NCK1: variants seen among roughly 807,000 people sequenced by gnomAD.
NCK1 encodes the protein NCK adaptor protein 1, also known as SH2/SH3 adapter protein NCK1.
NCK1 carries 19 observed loss-of-function variants against 36.6 expected under a neutral mutation model. The ratio of observed to expected loss-of-function variants is 0.52; its 90% CI spans 0.36 to 0.76. NCK1 has a LOEUF of 0.76. NCK1 is among the 30% of genes least tolerant of loss of function. NCK1 has a pLI of 0.00. For synonymous variants in NCK1, 165 were observed against 156.0 expected, an observed-to-expected ratio of 1.06 and a Z score of -0.43; for missense variants, 358 against 445.6, an observed-to-expected ratio of 0.80 and a Z score of 1.77.
intron 1 of NCK1, among the ~76,000 whole-genome samples, chr3:136,862,910 T>G (rs1045357535): frequency 7.0e-6 from 1 of 143,280 alleles, no homozygotes; most frequent in Non-Finnish European, 1.5e-5. Context: ...ACTTTAATGG[T>G]CTGGACCTGC....
At chr3:136,891,883 T>C (rs1939255264) in intron 1 of NCK1, among the ~76,000 whole-genome samples, 1 of 152,220 alleles carries the variant, frequency 6.6e-6, no homozygotes, top group Non-Finnish European at 1.5e-5. Context: ...ATTTTTGTGT[T>C]GGATTTTTAT....
intron 1 of NCK1, among the ~76,000 whole-genome samples, chr3:136,888,813 T>C (rs1576954261): frequency 1.3e-5 from 2 of 152,140 alleles, no homozygotes; most frequent in Non-Finnish European, 1.5e-5. Flanking sequence ...AATCATATAG[T>C]ATGTGGTCCT....
At chr3:136,869,382 A>G (rs1218211036) in intron 1 of NCK1, among the ~76,000 whole-genome samples, 1 of 152,162 alleles carries the variant, frequency 6.6e-6, no homozygotes, top group East Asian at 1.9e-4. Flanking sequence ...CCCTGTCTCT[A>G]CTAAATACAA....
intron 1 of NCK1, among the ~76,000 whole-genome samples, chr3:136,895,940 G>T (rs1291876350): frequency 1.3e-5 from 2 of 152,052 alleles, no homozygotes; most frequent in African/African-American, 2.4e-5. Flanking sequence ...GATATATCTG[G>T]ATTTTTGTCA....
Position 136,910,365 on chromosome 3 carries a change from C to T in NCK1, c.-18-17619C>T, listed in dbSNP as rs79151895. Among the ~76,000 whole-genome samples the T allele has an allele frequency of 1.9e-3, 287 of 152,234 alleles. 6 individuals are homozygous for T. In the East Asian group the frequency reaches 0.047, roughly 25 times the overall value. Reference sequence around the variant, plus strand: ...CCTACCCCCTTTTGGTTATTTTATGCATTTGTCTCTTATGTAGAAAATAAA... The same window carrying T: ...CCTACCCCCTTTTGGTTATTTTATGTATTTGTCTCTTATGTAGAAAATAAA... On this transcript the variant is annotated intron_variant, in intron 1 of 3. Coordinates refer to ENST00000481752, the MANE Select transcript of NCK1 (RefSeq NM_001291999.2).
rs138673645 is a variant in NCK1 at position 136,893,533 on chromosome 3, G to C, written c.-19+31180G>C. On this transcript the variant is annotated intron_variant, in intron 1 of 3. Coordinates refer to ENST00000481752, the MANE Select transcript of NCK1 (RefSeq NM_001291999.2). Reference sequence around the variant, plus strand: ...TGATCTGAGTTCCTTGTAGATTCTGGATATTAGTCCTTTGTCAGATGTATA... The same window carrying C: ...TGATCTGAGTTCCTTGTAGATTCTGCATATTAGTCCTTTGTCAGATGTATA... Among the ~76,000 whole-genome samples the C allele has an allele frequency of 2.2e-3, 336 of 152,174 alleles. 2 individuals are homozygous for C. Among genetic ancestry groups the C allele is most frequent in the African/African-American group, 7.8e-3 (323 of 41,536 alleles).
chr3:136,928,259 G>T lies in NCK1; in HGVS notation c.226+32G>T, dbSNP rs768235189. On this transcript the variant is annotated intron_variant, in intron 2 of 3. Coordinates refer to ENST00000481752, the MANE Select transcript of NCK1 (RefSeq NM_001291999.2). ...TATTTTTTAAAAGAAAAGCAACTTT[G>T]TTTTAAATGAAACCTGCAACTTAGT... 1.9e-6 allele frequency: 3 copies of T among 1,552,090 alleles called. No individual in the cohort carries two copies. The South Asian group carries it at 3.6e-5, about 19-fold the overall frequency.
chr3:136,936,077 G>A (rs911129485), intron 2 of NCK1, among the ~76,000 whole-genome samples: 1 of 140,708 alleles, frequency 7.1e-6, no homozygotes, highest in Non-Finnish European at 1.5e-5. Flanking sequence ...GTCTCGCCCT[G>A]TCACACAGGC....
At position 136,903,842 on chromosome 3, in the gene NCK1, A is replaced by G. The variant is rs189918134; in HGVS notation, c.-18-24142A>G. ...CTGATTTATGGCTGTTCAGTATATC[A>G]TCTATTCCCTCTGTCTCTTATTAAT... On this transcript the variant is annotated intron_variant, in intron 1 of 3. Transcript: ENST00000481752. Among the ~76,000 whole-genome samples the G allele has an allele frequency of 7.8e-3, 1,181 of 152,144 alleles. 17 individuals are homozygous for G. The highest frequency in any genetic ancestry group is 0.026 in the African/African-American group (1,093 of 41,516).
At chr3:136,867,829 A>G (rs1938494449) in intron 1 of NCK1, among the ~76,000 whole-genome samples, 1 of 151,956 alleles carries the variant, frequency 6.6e-6, no homozygotes, top group South Asian at 2.1e-4. Context: ...ATTTTGCCTT[A>G]TTTGCCTCAC....
In NCK1 at chr3:136,913,360, C is replaced by T. The variant is rs550007469; in HGVS notation, c.-18-14624C>T. On this transcript the variant is annotated intron_variant, in intron 1 of 3. Coordinates refer to ENST00000481752, the MANE Select transcript of NCK1 (RefSeq NM_001291999.2). ...TGGCATGATCATGGCTCACTGTAGC[C>T]TTGACCTCCTGGGCTCAAAGGATCC... 2.8e-3 allele frequency among the ~76,000 whole-genome samples: 429 copies of T among 152,096 alleles called. 1 individual carries two copies. Among genetic ancestry groups the T allele is most frequent in the Non-Finnish European group, 5.1e-3 (349 of 68,008 alleles).
intron 1 of NCK1, among the ~76,000 whole-genome samples, chr3:136,892,309 G>A (rs535898746): frequency 6.6e-6 from 1 of 152,272 alleles, no homozygotes; most frequent in African/African-American, 2.4e-5. Flanking sequence ...CCTTTTCACT[G>A]TATTAATTTA....
At chr3:136,865,605 A>G (rs1938390324) in intron 1 of NCK1, among the ~76,000 whole-genome samples, 1 of 152,220 alleles carries the variant, frequency 6.6e-6, no homozygotes, top group Non-Finnish European at 1.5e-5. Flanking sequence ...CCTTTATAAT[A>G]TAGAAAAATA....
At chr3:136,937,625 T>C (rs1940567550) in intron 2 of NCK1, among the ~76,000 whole-genome samples, 1 of 152,198 alleles carries the variant, frequency 6.6e-6, no homozygotes, top group East Asian at 1.9e-4. Context: ...CTTTCAGCGG[T>C]GTTTTGCAGT....
chr3:136,910,207 G>A (rs1305093776), intron 1 of NCK1, among the ~76,000 whole-genome samples: 1 of 151,950 alleles, frequency 6.6e-6, no homozygotes, highest in Non-Finnish European at 1.5e-5. Flanking sequence ...ATTTCCTTTT[G>A]TGTCTATTCA....
intron 1 of NCK1, among the ~76,000 whole-genome samples, chr3:136,920,374 T>C (rs1940074799): frequency 6.6e-6 from 1 of 152,192 alleles, no homozygotes; most frequent in Non-Finnish European, 1.5e-5. Context: ...AAAAGTGCTG[T>C]GCATAGCACA....
intron 2 of NCK1, among the ~76,000 whole-genome samples, chr3:136,935,508 T>C (rs1940507565): frequency 1.3e-5 from 2 of 152,132 alleles, no homozygotes; most frequent in African/African-American, 2.4e-5. Context: ...GCTTTATTTA[T>C]AGGAAGATCA....
intron 2 of NCK1, among the ~76,000 whole-genome samples, chr3:136,938,293 C>G (rs1441109795): frequency 1.3e-5 from 2 of 152,046 alleles, no homozygotes; most frequent in Admixed American, 6.6e-5. Flanking sequence ...TTTGGTTTTC[C>G]TAGTACAAAT....
At chr3:136,911,033 A>T (rs1939817863) in intron 1 of NCK1, among the ~76,000 whole-genome samples, 1 of 152,136 alleles carries the variant, frequency 6.6e-6, no homozygotes, top group Non-Finnish European at 1.5e-5. Flanking sequence ...GTGCCGGCTT[A>T]TTTAATTTAG....
Sources: gnomAD v4.1 joint callset for allele counts (sites outside exome capture counted in the v4.1 genomes callset) on GRCh38, gnomAD v4.1.1 for gene constraint, MANE v1.5 for transcripts, NCBI Gene and HGNC (gene_info 2026-07-23, HGNC 2026-07-21) for gene names.